The following NOD1 variants were observed in gnomAD, a reference collection of about 807,000 sequenced individuals.
The protein encoded by NOD1 is nucleotide binding oligomerization domain containing 1, also known as nucleotide-binding oligomerization domain-containing protein 1.
In NOD1, 70 loss-of-function variants were observed where a neutral mutation model predicts 81.2. That is an observed-to-expected ratio of 0.86 (90% CI 0.71 to 1.05). NOD1 has a LOEUF of 1.05. Ranked by LOEUF, NOD1 falls within the 50% of genes least tolerant of loss-of-function variation. NOD1 has a pLI of 0.00. For synonymous variants in NOD1, 508 were observed against 526.9 expected, an observed-to-expected ratio of 0.96 and a Z score of 0.49; for missense variants, 1,233 against 1,228.0, an observed-to-expected ratio of 1.00 and a Z score of -0.06.
At chr7:30,435,367 G>A (rs1452882139) in intron 11 of NOD1, among the ~76,000 whole-genome samples, 1 of 152,234 alleles carries the variant, frequency 6.6e-6, no homozygotes, top group South Asian at 2.1e-4. Context: ...CCAAGTGTGT[G>A]GAAGTTGGCC....
rs1354035650 is a variant in NOD1 at position 30,451,855 on chromosome 7, T to G, written c.1562A>C (p.Gln521Pro). The G allele has an allele frequency of 6.2e-7, 1 of 1,613,780 alleles. No individual in the cohort carries two copies. Among genetic ancestry groups the G allele is most frequent in the South Asian group, 1.1e-5 (1 of 91,066 alleles). Residue 521 changes from glutamine (Q) to proline (P), a missense_variant, in exon 6 of 14, where the codon CAG becomes CCG. Gln to Pro is a moderately conservative substitution (Grantham distance 76). Coordinates refer to ENST00000222823, the MANE Select transcript of NOD1 (RefSeq NM_006092.4). The surrounding 1 kb of genome is among the most constrained non-coding windows in gnomAD (Gnocchi z 4.2). ...QSYEFFHLTL[Q>P]AFFTAFFLVL... ...GAGGAAGAAGGCTGTAAAGAAGGCC[T>G]GGAGGGTGAGGTGGAAAAACTCATA...
At chr7:30,449,094 C>T (rs561478818) in intron 6 of NOD1, among the ~76,000 whole-genome samples, 80 of 152,306 alleles carry the variant, frequency 5.3e-4, no homozygotes, top group Non-Finnish European at 4.6e-4. Flanking sequence ...GGTATGGCTG[C>T]GTTCCAATAA....
rs986557548 is a variant in NOD1 at position 30,478,783 on chromosome 7, C to G, written c.-529G>C. 2 of 152,240 alleles carry G rather than the reference C, an allele frequency of 1.3e-5. No homozygotes were observed. Among genetic ancestry groups the G allele is most frequent in the Non-Finnish European group, 2.9e-5 (2 of 68,028 alleles). The allele number at this position is 152,240 out of a possible 1,614,324, so 9.4% of individuals were successfully genotyped here. On this transcript the variant is annotated 5_prime_UTR_variant, in exon 1 of 14. Transcript: ENST00000222823. The surrounding 1 kb of genome is among the most constrained non-coding windows in gnomAD (Gnocchi z 4.1). ...CTGCCTCGCGGGCCCGGAACGGGAA[C>G]TGGCTGCGACTACAGCCGCAGCCGC...
chr7:30,456,673 G>T, intron 4 of NOD1, 48 bp downstream of exon 4: 1 of 1,547,898 alleles, frequency 6.5e-7, no homozygotes, highest in Non-Finnish European at 8.9e-7. Context: ...GCCTCTTCTA[G>T]CTCCCGGGGT....
At chr7:30,439,481 A>G (rs903576149) in intron 9 of NOD1, among the ~76,000 whole-genome samples, 1 of 137,752 alleles carries the variant, frequency 7.3e-6, no homozygotes, top group African/African-American at 3.1e-5. Flanking sequence ...TTCCGAGTCA[A>G]AGAAAGGGGT....
At position 30,456,748 on chromosome 7, in the gene NOD1, C is replaced by T. The variant is rs1786417536; in HGVS notation, c.174G>A (p.Val58=). 1 of 1,614,114 alleles carries T rather than the reference C, an allele frequency of 6.2e-7. No homozygotes were observed. Among genetic ancestry groups the T allele is most frequent in the Non-Finnish European group, 8.5e-7 (1 of 1,180,030 alleles). The part of the protein sequence containing the change: ...DYFSAEDAEI[V]CACPTQPDKV... ...TGTCAGGCTGGGTGGGGCAGGCACA[C>T]ACAATCTCCGCATCTTCGGCCGAGA... The change falls in exon 4 of 14, where the codon GTG becomes GTA. Residue 58 remains valine, a synonymous_variant. Coordinates refer to ENST00000222823, the MANE Select transcript of NOD1 (RefSeq NM_006092.4).
chr7:30,448,606 G>C (rs528524681), intron 6 of NOD1, among the ~76,000 whole-genome samples: 1 of 152,200 alleles, frequency 6.6e-6, no homozygotes, highest in Non-Finnish European at 1.5e-5. Context: ...CTGCAGCACA[G>C]CCCCTGGCTC....
chr7:30,452,769 C>G lies in NOD1; in HGVS notation c.648G>C (p.Gln216His), dbSNP rs749279711. 2 of 1,614,088 alleles carry G rather than the reference C, an allele frequency of 1.2e-6. No homozygotes were observed. Among genetic ancestry groups the G allele is most frequent in the Non-Finnish European group, 1.7e-6 (2 of 1,180,032 alleles). Residue 216 changes from glutamine (Q) to histidine (H), a missense_variant, in exon 6 of 14, where the codon CAG becomes CAC. Physicochemically the swap from Gln to His is conservative, Grantham distance 24 (BLOSUM62 0). Transcript: ENST00000222823. ...VGKSMLLQRL[Q>H]SLWATGRLDA... ...CTAGCCGGCCCGTGGCCCAGAGGCT[C>G]TGCAGCCGCTGTAGCAGCATGGACT... is the stretch of plus-strand genomic sequence containing the variant.
intron 5 of NOD1, among the ~76,000 whole-genome samples, chr7:30,453,552 TG>T (rs1233215324): frequency 6.6e-6 from 1 of 152,188 alleles, no homozygotes; most frequent in Non-Finnish European, 1.5e-5. Context: ...CCCAAGTAGC[TG>T]GGACACAGGC....
chr7:30,453,432 C>T (rs6968200), intron 5 of NOD1, among the ~76,000 whole-genome samples: 1 of 152,258 alleles, frequency 6.6e-6, no homozygotes, highest in East Asian at 1.9e-4. Context: ...ACCAACACTG[C>T]TTTTTTGTTG....
At chr7:30,446,310 C>G in intron 8 of NOD1, 86 bp from the exon 9 acceptor site, 1 of 965,716 alleles carries the variant, frequency 1.0e-6, no homozygotes, top group South Asian at 1.3e-5. Flanking sequence ...AGAGCCCCTT[C>G]CAGCCCCATC....
At chr7:30,428,381 A>C (rs1017741310) in intron 13 of NOD1, 13 of 152,014 alleles carry the variant, frequency 8.6e-5, no homozygotes, top group African/African-American at 3.1e-4. Flanking sequence ...TTTTTAAAAA[A>C]AAACCTTTTG....
rs760365230 is a variant in NOD1, at chr7:30,451,284, G to T, written c.2133C>A (p.Asp711Glu). The T allele has an allele frequency of 2.5e-6, 4 of 1,614,198 alleles. No homozygotes were observed. Among genetic ancestry groups the T allele is most frequent in the Non-Finnish European group, 3.4e-6 (4 of 1,180,038 alleles). The change falls in exon 6 of 14, where the codon GAC becomes GAA. Residue 711 changes from aspartate (D) to glutamate (E), a missense_variant. Transcript: ENST00000222823. The surrounding 1 kb of genome is among the most constrained non-coding windows in gnomAD (Gnocchi z 4.2). ...CGCCGTAGTCGTTGAGATTGTTGTTGTCTAGGTCTAGGGCCAGCCGCTTGG... is the reference window on the plus strand; with the variant it reads ...CGCCGTAGTCGTTGAGATTGTTGTTTTCTAGGTCTAGGGCCAGCCGCTTGG... ...HFPKRLALDL[D>E]NNNLNDYGVR...
At chr7:30,469,339 G>A in intron 1 of NOD1, 1 of 723,276 alleles carries the variant, frequency 1.4e-6, no homozygotes, top group Non-Finnish European at 1.7e-6. Context: ...CTCAGAATTT[G>A]AAAGCAGATG....
intron 9 of NOD1, among the ~76,000 whole-genome samples, chr7:30,445,595 C>G (rs2128029969): frequency 6.6e-6 from 1 of 151,798 alleles, no homozygotes; most frequent in South Asian, 2.1e-4. Flanking sequence ...CCCGCCTCTA[C>G]TAAAAATACA....
intron 10 of NOD1, among the ~76,000 whole-genome samples, chr7:30,437,134 A>C (rs1228660824): frequency 6.6e-6 from 1 of 152,174 alleles, no homozygotes; most frequent in Non-Finnish European, 1.5e-5. Context: ...ACAAAAAACC[A>C]AACACTGCAT....
At chr7:30,446,891 T>C in intron 8 of NOD1, 76 bp downstream of exon 8, 3 of 1,202,132 alleles carry the variant, frequency 2.5e-6, no homozygotes, top group Non-Finnish European at 3.6e-6. Flanking sequence ...CTCTTTACTG[T>C]GACATTTAAT....
At chr7:30,437,989 G>A (rs1011704562) in intron 9 of NOD1, among the ~76,000 whole-genome samples, 8 of 152,248 alleles carry the variant, frequency 5.3e-5, no homozygotes, top group African/African-American at 1.9e-4. Flanking sequence ...GAAAGCACCT[G>A]CATGTCTCCT....
chr7:30,449,876 G>A (rs1785501283), intron 6 of NOD1, among the ~76,000 whole-genome samples: 1 of 152,220 alleles, frequency 6.6e-6, no homozygotes, highest in South Asian at 2.1e-4. Context: ...CCACCACACT[G>A]GTGTGGAGTT....
Sources: allele counts gnomAD v4.1 joint callset (sites outside exome capture counted in the v4.1 genomes callset), GRCh38; gene constraint gnomAD v4.1.1; non-coding constraint Gnocchi (gnomAD v3.1); transcripts MANE v1.5; gene names NCBI Gene and HGNC (gene_info 2026-07-23, HGNC 2026-07-21).